Variants in FLRT1 observed in about 807,000 individuals in gnomAD.
The protein encoded by FLRT1 is leucine-rich repeat transmembrane protein FLRT1.
FLRT1 carries 14 observed loss-of-function variants against 30.9 expected under a neutral mutation model. The ratio of observed to expected loss-of-function variants is 0.45; its 90% CI spans 0.30 to 0.71. The LOEUF is 0.71. Among genes scored for constraint, FLRT1 ranks in the 30% least tolerant of loss-of-function variants. The pLI, the probability that FLRT1 is intolerant of heterozygous loss-of-function variation, is 0.08. For missense variants in FLRT1, 737 were observed against 949.2 expected, an observed-to-expected ratio of 0.78 and a Z score of 2.94; for synonymous variants, 368 against 430.4, an observed-to-expected ratio of 0.85 and a Z score of 1.80.
chr11:64,046,714 GCCTTGAACTCCTGA>G (rs71045727), intron 1 of FLRT1, among the ~76,000 whole-genome samples: 36,304 of 152,032 alleles, frequency 0.24, 4,503 homozygotes, highest in Non-Finnish European at 0.25. Context: ...GGTCAGGCTG[GCCTTGAACTCCTGA>G]CCTTGAGTAA....
intron 2 of FLRT1, among the ~76,000 whole-genome samples, chr11:64,105,163 TA>T (rs1446774867): frequency 1.3e-5 from 2 of 152,214 alleles, no homozygotes; most frequent in Non-Finnish European, 2.9e-5. Flanking sequence ...TTATTTATTA[TA>T]AAAGTGCGCC....
chr11:64,057,889 T>G (rs1943819775), intron 1 of FLRT1, among the ~76,000 whole-genome samples: 1 of 152,194 alleles, frequency 6.6e-6, no homozygotes. Flanking sequence ...GGTCACAGGA[T>G]TTGAACTCAT....
rs651855 is a variant in FLRT1 at position 64,103,338 on chromosome 11, T to C, written c.-893T>C. ...AGCAGCCAAGCAGGACTGAGGCCCTTGCCCCCCAAGCATCTTCTCAAAGAA... is the reference window on the plus strand; with the variant it reads ...AGCAGCCAAGCAGGACTGAGGCCCTCGCCCCCCAAGCATCTTCTCAAAGAA... On this transcript the variant is annotated 5_prime_UTR_variant, in exon 2 of 3. Coordinates refer to ENST00000682287, the MANE Select transcript of FLRT1 (RefSeq NM_013280.5). 71,553 of 151,986 alleles carry C rather than the reference T, an allele frequency of 0.47. 17,615 individuals are homozygous for C. Among genetic ancestry groups the C allele is most frequent in the African/African-American group, 0.61 (25,370 of 41,416 alleles). The allele number at this position is 151,986 out of a possible 1,614,324, so 9.4% of individuals were successfully genotyped here. A position where few individuals can be genotyped will look rare whatever the true frequency, so the allele number is the denominator to read the frequency against.
At chr11:64,062,295 CAGTG>C (rs992229717) in intron 1 of FLRT1, among the ~76,000 whole-genome samples, 1 of 152,128 alleles carries the variant, frequency 6.6e-6, no homozygotes, top group African/African-American at 2.4e-5. Flanking sequence ...ATGCATCTAT[CAGTG>C]AGTGAGTGAT....
In FLRT1 at chr11:64,058,595, C is replaced by T. The variant is rs575731149; in HGVS notation, c.-1038+22436C>T. 2.0e-5 allele frequency among the ~76,000 whole-genome samples: 3 copies of T among 152,354 alleles called. No homozygotes were observed. In the East Asian group the frequency reaches 5.8e-4, roughly 29 times the overall value. ...GGGGTGGTGGAGGAGCCGGCAGCTG[C>T]CGGGTGCAGCGGGCACGGCCCTGTA... On this transcript the variant is annotated intron_variant, in intron 1 of 2. Transcript: ENST00000682287.
intron 2 of FLRT1, among the ~76,000 whole-genome samples, chr11:64,111,762 C>T (rs1303914083): frequency 6.6e-6 from 1 of 152,226 alleles, no homozygotes; most frequent in African/African-American, 2.4e-5. Context: ...GCTTCAAGCC[C>T]GTCCTTTCCC....
intron 1 of FLRT1, among the ~76,000 whole-genome samples, chr11:64,078,786 G>T (rs560850614): frequency 6.6e-6 from 1 of 152,054 alleles, no homozygotes; most frequent in Non-Finnish European, 1.5e-5. Context: ...GGTGACTGCA[G>T]GGGGGGAGGC....
rs1037998689 is a variant in FLRT1, at chr11:64,067,844, G to C, written c.-1038+31685G>C. On this transcript the variant is annotated intron_variant, in intron 1 of 2. Coordinates refer to ENST00000682287, the MANE Select transcript of FLRT1 (RefSeq NM_013280.5). The surrounding 1 kb of genome is among the most constrained non-coding windows in gnomAD (Gnocchi z 4.6). ...TCCTGAAATGGGTGATGAGGGGGTT[G>C]GGGGAGGAGCTGAGCGGCCCACTTC... Among the ~76,000 whole-genome samples, 1 of 152,188 alleles carries C rather than the reference G, an allele frequency of 6.6e-6. No homozygotes were observed. The highest frequency in any genetic ancestry group is 1.9e-4 in the East Asian group (1 of 5,188).
rs570346962 is a variant in FLRT1, at chr11:64,041,338, C to T, written c.-1038+5179C>T. Reference sequence around the variant, plus strand: ...TCTTCTTGAACCATTCCTGCTGCCCCCCACCCCTCCACCCCCCGTGACGCC... The same window carrying T: ...TCTTCTTGAACCATTCCTGCTGCCCTCCACCCCTCCACCCCCCGTGACGCC... On this transcript the variant is annotated intron_variant, in intron 1 of 2. Transcript: ENST00000682287. Among the ~76,000 whole-genome samples the T allele has an allele frequency of 5.4e-4, 82 of 152,164 alleles. 2 individuals carry two copies. The South Asian group carries it at 0.016, about 29-fold the overall frequency.
At chr11:64,087,661 T>C (rs761110642) in intron 1 of FLRT1, among the ~76,000 whole-genome samples, 1 of 152,234 alleles carries the variant, frequency 6.6e-6, no homozygotes, top group Non-Finnish European at 1.5e-5. Context: ...CCACGGGTCC[T>C]TGTCCTCATA....
rs566197701 is a variant in FLRT1 at position 64,112,305 on chromosome 11, A to G, written c.-49-3914A>G. 4.6e-5 allele frequency among the ~76,000 whole-genome samples: 7 copies of G among 152,272 alleles called. No individual in the cohort carries two copies. The East Asian group carries it at 1.2e-3, about 25-fold the overall frequency. ...CAGGGAGGTGGATCACGAGGTCAAG[A>G]GATCAAGACCATCCTGGCCAACATG... On this transcript the variant is annotated intron_variant, in intron 2 of 2. Transcript: ENST00000682287.
chr11:64,111,823 T>G (rs1421897064), intron 2 of FLRT1, among the ~76,000 whole-genome samples: 2 of 151,956 alleles, frequency 1.3e-5, no homozygotes, highest in Non-Finnish European at 2.9e-5. Context: ...AAAGGTGAGG[T>G]GGTCAGATAA....
chr11:64,042,254 T>C (rs1943502070), intron 1 of FLRT1, among the ~76,000 whole-genome samples: 1 of 151,980 alleles, frequency 6.6e-6, no homozygotes, highest in Admixed American at 6.5e-5. Context: ...TGAGCCAGGC[T>C]CTGAGGTGAA....
In FLRT1 at chr11:64,108,442, CTCTCCCTGGG is replaced by C. The variant is rs1203325188; in HGVS notation, c.-50+4270_-50+4279del. Among the ~76,000 whole-genome samples, 6 of 152,330 alleles carry C rather than the reference CTCTCCCTGGG, an allele frequency of 3.9e-5. No individual in the cohort carries two copies. The South Asian group carries it at 1.0e-3, about 26-fold the overall frequency. On this transcript the variant is annotated intron_variant, in intron 2 of 2. Transcript: ENST00000682287. ...GGCTTCCTGGCGAGAAGGAGGGGAG[CTCTCCCTGGG>C]TCTCCCTGAGCACCAGGAAGCAGCG...
chr11:64,052,931 G>A (rs1199369954), intron 1 of FLRT1, among the ~76,000 whole-genome samples: 2 of 152,200 alleles, frequency 1.3e-5, no homozygotes, highest in Admixed American at 1.3e-4. Context: ...GCCAGGCTTG[G>A]CCTCACGGTC....
intron 1 of FLRT1, among the ~76,000 whole-genome samples, chr11:64,101,915 C>T (rs1373116325): frequency 6.6e-6 from 1 of 152,242 alleles, no homozygotes; most frequent in African/African-American, 2.4e-5. Flanking sequence ...CAGACTCAGC[C>T]TGCACACCAC....
intron 1 of FLRT1, among the ~76,000 whole-genome samples, chr11:64,041,811 G>C (rs534172129): frequency 3.8e-4 from 58 of 152,312 alleles, no homozygotes; most frequent in African/African-American, 1.4e-3. Context: ...TGGCTGTTAG[G>C]GGGTGGGTGT....
At chr11:64,093,040 G>C (rs1227392201) in intron 1 of FLRT1, among the ~76,000 whole-genome samples, 1 of 152,212 alleles carries the variant, frequency 6.6e-6, no homozygotes, top group Non-Finnish European at 1.5e-5. Context: ...TGAGGACCCG[G>C]AGTGGAGAGA....
intron 2 of FLRT1, among the ~76,000 whole-genome samples, chr11:64,113,898 G>GAATGGACA (rs1944914335): frequency 6.6e-6 from 1 of 150,716 alleles, no homozygotes; most frequent in Non-Finnish European, 1.5e-5. Context: ...ATGGATGGAT[G>GAATGGACA]GATGGATGGA....
Sources: allele counts gnomAD v4.1 joint callset (sites outside exome capture counted in the v4.1 genomes callset), GRCh38; gene constraint gnomAD v4.1.1; non-coding constraint Gnocchi (gnomAD v3.1); transcripts MANE v1.5; gene names NCBI Gene and HGNC (gene_info 2026-07-23, HGNC 2026-07-21).